Variants in ZNF277 observed in about 807,000 individuals in gnomAD.
ZNF277 encodes the protein zinc finger protein 277.
ZNF277 carries 55 observed loss-of-function variants against 60.7 expected under a neutral mutation model. That is an observed-to-expected ratio of 0.91 (90% CI 0.73 to 1.13). The LOEUF is 1.13. ZNF277 is among the 50% of genes most tolerant of loss of function. ZNF277 has a pLI of 0.00. For synonymous variants in ZNF277, 178 were observed against 179.3 expected, an observed-to-expected ratio of 0.99 and a Z score of 0.06; for missense variants, 510 against 523.0, an observed-to-expected ratio of 0.98 and a Z score of 0.24.
At chr7:112,288,724 C>G (rs1313812564) in intron 2 of ZNF277, 1 of 158,308 alleles carries the variant, frequency 6.3e-6, no homozygotes. Context: ...TCCTCCCTCA[C>G]CACTCCATGT....
At position 112,309,184 on chromosome 7, in the gene ZNF277, T is replaced by C. The variant is rs575332281; in HGVS notation, c.466-8998T>C. ...ATGTTCTGAACCCCATCGCTGACTA[T>C]GCAGTTTTTACAAGAGTCAACCCAA... On this transcript the variant is annotated intron_variant, in intron 4 of 11. Transcript: ENST00000361822. Among the ~76,000 whole-genome samples the C allele has an allele frequency of 1.8e-4, 27 of 152,088 alleles. No homozygotes were observed. The East Asian group carries it at 5.2e-3, about 30-fold the overall frequency.
intron 1 of ZNF277, among the ~76,000 whole-genome samples, chr7:112,216,481 T>G (rs1821885862): frequency 6.6e-6 from 1 of 152,148 alleles, no homozygotes; most frequent in South Asian, 2.1e-4. Flanking sequence ...AGCTAAATTT[T>G]GTATTTTTTG....
chr7:112,214,801 TTAAAA>T (rs1274841410), intron 1 of ZNF277, among the ~76,000 whole-genome samples: 3 of 152,144 alleles, frequency 2.0e-5, no homozygotes, highest in Admixed American at 6.6e-5. Flanking sequence ...AGTAGCATAT[TTAAAA>T]TAATCAATGT....
intron 1 of ZNF277, among the ~76,000 whole-genome samples, chr7:112,221,427 T>C (rs1302042872): frequency 2.6e-5 from 4 of 152,192 alleles, no homozygotes; most frequent in Non-Finnish European, 5.9e-5. Context: ...TTATCATATA[T>C]GGCAGTGGTC....
chr7:112,247,620 C>A (rs1448613420), intron 1 of ZNF277, among the ~76,000 whole-genome samples: 1 of 151,940 alleles, frequency 6.6e-6, no homozygotes, highest in Non-Finnish European at 1.5e-5. Context: ...TGTTATATGA[C>A]TAAATGTTTT....
At chr7:112,291,660 G>T (rs1792209766) in intron 2 of ZNF277, among the ~76,000 whole-genome samples, 1 of 152,132 alleles carries the variant, frequency 6.6e-6, no homozygotes, top group South Asian at 2.1e-4. Context: ...CTGAAGATCT[G>T]CTATCTTTAT....
intron 1 of ZNF277, among the ~76,000 whole-genome samples, chr7:112,215,814 T>C (rs912188480): frequency 3.9e-5 from 6 of 152,212 alleles, no homozygotes; most frequent in African/African-American, 9.6e-5. Context: ...TTTATCCAAA[T>C]AGAGAGGTTT....
chr7:112,261,041 A>G (rs965258166), intron 1 of ZNF277, among the ~76,000 whole-genome samples: 6 of 152,238 alleles, frequency 3.9e-5, no homozygotes, highest in Admixed American at 1.3e-4. Flanking sequence ...ATTAGTTTCT[A>G]TTAGATCTTG....
chr7:112,217,217 A>T (rs186659583), intron 1 of ZNF277, among the ~76,000 whole-genome samples: 67 of 152,320 alleles, frequency 4.4e-4, no homozygotes, highest in Admixed American at 2.0e-3. Context: ...CAAAAAAGAG[A>T]TTATTCCCAA....
chr7:112,245,051 A>G (rs1791052615), intron 1 of ZNF277, among the ~76,000 whole-genome samples: 1 of 152,172 alleles, frequency 6.6e-6, no homozygotes, highest in South Asian at 2.1e-4. Context: ...TTTTGAATAA[A>G]TGTTGGTTTA....
At chr7:112,321,789 A>G (rs1463791077) in intron 5 of ZNF277, among the ~76,000 whole-genome samples, 1 of 151,990 alleles carries the variant, frequency 6.6e-6, no homozygotes, top group Non-Finnish European at 1.5e-5. Flanking sequence ...TTCCTTCAGC[A>G]CTTTGAATAT....
At chr7:112,254,836 TG>T (rs1791273643) in intron 1 of ZNF277, among the ~76,000 whole-genome samples, 1 of 152,054 alleles carries the variant, frequency 6.6e-6, no homozygotes, top group Non-Finnish European at 1.5e-5. Context: ...CCGGGCGTGG[TG>T]GCATGGGCTT....
At chr7:112,235,339 T>C (rs1822459667) in intron 1 of ZNF277, among the ~76,000 whole-genome samples, 1 of 152,084 alleles carries the variant, frequency 6.6e-6, no homozygotes, top group Admixed American at 6.6e-5. Context: ...TTTTGAACTG[T>C]CAAACTGTTA....
At chr7:112,301,864 A>C (rs1357927193) in intron 4 of ZNF277, among the ~76,000 whole-genome samples, 1 of 152,162 alleles carries the variant, frequency 6.6e-6, no homozygotes. Context: ...CTGAAATTTC[A>C]TCCTGAAGTA....
At chr7:112,273,725 C>T in intron 1 of ZNF277, among the ~76,000 whole-genome samples, 1 of 152,152 alleles carries the variant, frequency 6.6e-6, no homozygotes, top group East Asian at 1.9e-4. Context: ...TTCTGCACTC[C>T]AACCTCGGCA....
At chr7:112,320,917 CTTTTTTT>C (rs1230552751) in intron 5 of ZNF277, among the ~76,000 whole-genome samples, 1,431 of 98,362 alleles carry the variant, frequency 0.015, 29 homozygotes, top group African/African-American at 0.053. Context: ...TTGTTTCTTT[CTTTTTTT>C]TTTTTTTTTT....
At chr7:112,239,461 C>T (rs1790891679) in intron 1 of ZNF277, among the ~76,000 whole-genome samples, 2 of 152,216 alleles carry the variant, frequency 1.3e-5, no homozygotes, top group Non-Finnish European at 2.9e-5. Flanking sequence ...TGACTCAGCA[C>T]AGTCCCAGTG....
rs146815925 is a variant in ZNF277 at position 112,327,057 on chromosome 7, C to T, written c.558-660C>T. 2.3e-4 allele frequency among the ~76,000 whole-genome samples: 35 copies of T among 152,280 alleles called. 1 individual carries two copies. Among genetic ancestry groups the T allele is most frequent in the Middle Eastern group, 3.4e-3 (1 of 294 alleles). On this transcript the variant is annotated intron_variant, in intron 5 of 11. Coordinates refer to ENST00000361822, the MANE Select transcript of ZNF277 (RefSeq NM_021994.3). ...GGTTCCAGGTCATTGTCCAATGATA[C>T]TCTGGCTAAATGCCTGTGATCTTAG...
intron 4 of ZNF277, among the ~76,000 whole-genome samples, chr7:112,300,429 C>T (rs367651580): frequency 6.6e-6 from 1 of 152,174 alleles, no homozygotes; most frequent in East Asian, 1.9e-4. Flanking sequence ...CCTCTTATTT[C>T]TCATCAGTCT....
Sources: gnomAD v4.1 joint callset for allele counts (sites outside exome capture counted in the v4.1 genomes callset) on GRCh38, gnomAD v4.1.1 for gene constraint, MANE v1.5 for transcripts, NCBI Gene and HGNC (gene_info 2026-07-23, HGNC 2026-07-21) for gene names.